The following BLTP3B variants were observed in gnomAD, a reference collection of about 807,000 sequenced individuals.
BLTP3B encodes the protein bridge-like lipid transfer protein family member 3B, also known as UHRF1 (ICBP90) binding protein 1-like.
chr12:100,084,372 C>T, the BLTP3B span: 9 of 1,128,538 alleles, frequency 8.0e-6, no homozygotes, highest in East Asian at 2.7e-5. Flanking sequence ...ACAGGAAATA[C>T]TATGATCACA....
At chr12:100,091,895 A>G in the BLTP3B span, among the ~76,000 whole-genome samples, 1 of 140,958 alleles carries the variant, frequency 7.1e-6, no homozygotes, top group Admixed American at 7.2e-5. Context: ...AACAACCTCC[A>G]CCTCCCAGGT....
the BLTP3B span, among the ~76,000 whole-genome samples, chr12:100,118,133 C>T: frequency 1.3e-5 from 2 of 151,936 alleles, no homozygotes; most frequent in African/African-American, 4.8e-5. Flanking sequence ...AGGAAAACAG[C>T]AGACAAACCC....
At chr12:100,065,055 G>A in the BLTP3B span, among the ~76,000 whole-genome samples, 3 of 152,180 alleles carry the variant, frequency 2.0e-5, no homozygotes, top group African/African-American at 7.2e-5. Context: ...GGGAAGTCAG[G>A]GACCCTGAAC....
At chr12:100,048,728 A>C in the BLTP3B span, among the ~76,000 whole-genome samples, 1 of 100,490 alleles carries the variant, frequency 1.0e-5, no homozygotes, top group African/African-American at 4.4e-5. Context: ...AATTATAGTA[A>C]GGGGGGGGAG....
the BLTP3B span, among the ~76,000 whole-genome samples, chr12:100,041,715 G>C: frequency 6.6e-6 from 1 of 152,040 alleles, no homozygotes; most frequent in Non-Finnish European, 1.5e-5. Flanking sequence ...GATTACAGGC[G>C]TGAGCCACCG....
the BLTP3B span, among the ~76,000 whole-genome samples, chr12:100,044,333 T>C: frequency 6.6e-6 from 1 of 152,216 alleles, no homozygotes; most frequent in Non-Finnish European, 1.5e-5. Context: ...TATCTGAAAT[T>C]GTCCTGTCCT....
the BLTP3B span, among the ~76,000 whole-genome samples, chr12:100,074,424 C>A: frequency 1.3e-5 from 2 of 151,978 alleles, no homozygotes; most frequent in African/African-American, 4.8e-5. Context: ...CATGGCGAAA[C>A]CCCATCTCTA....
chr12:100,138,443 CA>C, the BLTP3B span, among the ~76,000 whole-genome samples: 2 of 152,190 alleles, frequency 1.3e-5, no homozygotes, highest in African/African-American at 4.8e-5. Flanking sequence ...GACATTTGGG[CA>C]AATAATTATT....
At chr12:100,141,393 G>T in the BLTP3B span, among the ~76,000 whole-genome samples, 1 of 147,114 alleles carries the variant, frequency 6.8e-6, no homozygotes, top group Non-Finnish European at 1.5e-5. Context: ...ATATATGTAT[G>T]TGTATATATG....
the BLTP3B span, chr12:100,059,576 A>G: frequency 6.6e-7 from 1 of 1,521,018 alleles, no homozygotes. Flanking sequence ...TGGCAAATCC[A>G]TACATCTTGA....
chr12:100,058,297 A>G, the BLTP3B span: 1 of 1,613,842 alleles, frequency 6.2e-7, no homozygotes, highest in Non-Finnish European at 8.5e-7. Context: ...CTTGTTTCTG[A>G]TCCAATTTCT....
At chr12:100,138,734 G>T in the BLTP3B span, among the ~76,000 whole-genome samples, 1 of 152,188 alleles carries the variant, frequency 6.6e-6, no homozygotes, top group Non-Finnish European at 1.5e-5. Flanking sequence ...CTAAGGGAGC[G>T]AAGGAGAAGA....
chr12:100,139,494 T>A, the BLTP3B span, among the ~76,000 whole-genome samples: 3 of 152,154 alleles, frequency 2.0e-5, no homozygotes, highest in Non-Finnish European at 4.4e-5. Flanking sequence ...GGAAGACCCC[T>A]CATATAAACC....
chr12:100,099,921 A>T, the BLTP3B span, among the ~76,000 whole-genome samples: 1 of 143,620 alleles, frequency 7.0e-6, no homozygotes, highest in African/African-American at 2.5e-5. Flanking sequence ...GAGAGAGATC[A>T]CATTTCAAAA....
the BLTP3B span, among the ~76,000 whole-genome samples, chr12:100,043,062 G>A: frequency 2.0e-5 from 3 of 152,184 alleles, no homozygotes; most frequent in Non-Finnish European, 4.4e-5. Context: ...GCCTCCCAAA[G>A]TGCTGAGATT....
the BLTP3B span, among the ~76,000 whole-genome samples, chr12:100,041,979 A>C: frequency 6.6e-6 from 1 of 152,228 alleles, no homozygotes; most frequent in African/African-American, 2.4e-5. Context: ...ATGTGTAATA[A>C]AGAATCCACA....
chr12:100,108,986 T>C, the BLTP3B span, among the ~76,000 whole-genome samples: 2 of 152,138 alleles, frequency 1.3e-5, no homozygotes, highest in South Asian at 2.1e-4. Flanking sequence ...ATGAATACAA[T>C]ACTGATATGG....
the BLTP3B span, among the ~76,000 whole-genome samples, chr12:100,045,864 A>C: frequency 6.6e-6 from 1 of 152,216 alleles, no homozygotes; most frequent in Non-Finnish European, 1.5e-5. Context: ...TCTACAAAGA[A>C]CTTAAACAAA....
the BLTP3B span, among the ~76,000 whole-genome samples, chr12:100,053,865 G>T: frequency 6.6e-6 from 1 of 152,094 alleles, no homozygotes; most frequent in African/African-American, 2.4e-5. Flanking sequence ...CTTTTTAAAT[G>T]AGAGAATACT....
Sources: allele counts gnomAD v4.1 joint callset (sites outside exome capture counted in the v4.1 genomes callset), GRCh38; gene constraint gnomAD v4.1.1; transcripts MANE v1.5; gene names NCBI Gene and HGNC (gene_info 2026-07-23, HGNC 2026-07-21).